The following IL16 variants were observed in gnomAD, a reference collection of about 807,000 sequenced individuals.
IL16 encodes the protein pro-interleukin-16.
Under a neutral mutation model 110.1 loss-of-function variants are expected in IL16, and 67 were observed. The observed-to-expected ratio is 0.61, with a 90% CI of 0.50 to 0.75. The LOEUF (loss-of-function observed/expected upper bound fraction) is 0.75, where lower values mean the gene tolerates loss of function less well. Ranked by LOEUF, IL16 falls within the 30% of genes least tolerant of loss-of-function variation. The probability of loss-of-function intolerance (pLI) is 0.00; values close to 1 mark genes in which losing one functional copy is unlikely to be tolerated. For missense variants in IL16, 1,545 were observed against 1,655.0 expected (o/e 0.93, Z 1.15); for synonymous variants, 689 against 662.9 (o/e 1.04, Z -0.61).
intron 2 of IL16, among the ~76,000 whole-genome samples, chr15:81,251,405 A>G (rs4131822): frequency 0.032 from 4,807 of 152,188 alleles, 228 homozygotes; most frequent in African/African-American, 0.11. Flanking sequence ...GCCTCAAGCA[A>G]TCCTCCAACC....
chr15:81,301,804 C>T (rs1444650056), intron 15 of IL16, among the ~76,000 whole-genome samples: 1 of 152,254 alleles, frequency 6.6e-6, no homozygotes, highest in Non-Finnish European at 1.5e-5. Flanking sequence ...GGTTTTCTGT[C>T]TCCAAGTTCA....
At chr15:81,286,522 A>G (rs1441014173) in intron 10 of IL16, among the ~76,000 whole-genome samples, 4 of 152,184 alleles carry the variant, frequency 2.6e-5, no homozygotes, top group Non-Finnish European at 1.5e-5. Context: ...TTGGGGTTAC[A>G]CTGCAGAGGG....
At chr15:81,285,854 T>C (rs749576695) in intron 10 of IL16, 24 bp downstream of exon 10, 115 of 1,612,580 alleles carry the variant, frequency 7.1e-5, no homozygotes, top group Non-Finnish European at 9.7e-5. Context: ...GGTTATCCTC[T>C]TCTTCTCAGG....
At position 81,212,576 on chromosome 15, in the gene IL16, A is replaced by AT. The variant is rs1896289530; in HGVS notation, c.-101-12721dup. Among the ~76,000 whole-genome samples, 4 of 152,086 alleles carry AT rather than the reference A, an allele frequency of 2.6e-5. No homozygotes were observed. The South Asian group carries it at 8.4e-4, about 32-fold the overall frequency. ...AGCCTTGACTCCCTGGGCTCAGGTG[A>AT]TTCTCCCACTTCAGCCTCCCAAGTA... is the stretch of plus-strand genomic sequence containing the variant. On this transcript the variant is annotated intron_variant, in intron 1 of 18. Transcript: ENST00000683961.
intron 2 of IL16, among the ~76,000 whole-genome samples, chr15:81,230,953 A>T (rs923158762): frequency 5.9e-5 from 9 of 151,900 alleles, no homozygotes; most frequent in African/African-American, 2.2e-4. Flanking sequence ...GCAGAGGGAG[A>T]CAGTGGAGGA....
intron 5 of IL16, among the ~76,000 whole-genome samples, chr15:81,272,596 T>G (rs1222991321): frequency 2.6e-5 from 4 of 152,200 alleles, no homozygotes; most frequent in African/African-American, 9.7e-5. Context: ...TGAGAAGGCC[T>G]TTGGTGGGAG....
chr15:81,278,873 G>A lies in IL16; in HGVS notation c.847G>A (p.Ala283Thr). 6.2e-7 allele frequency: 1 copy of A among 1,612,802 alleles called. No homozygotes were observed. The highest frequency in any genetic ancestry group is 8.5e-7 in the Non-Finnish European group (1 of 1,178,754). The change falls in exon 7 of 19, where the codon GCT becomes ACT. Residue 283 changes from alanine to threonine, a missense_variant. This residue lies in a region of IL16 where 1,185 missense variants were observed against 1,238.8 expected (regional missense o/e 0.96). Coordinates refer to ENST00000683961, the MANE Select transcript of IL16 (RefSeq NM_172217.5). ...AATGGCTGGACTAACACATCAGGAT[G>A]CTTTGCAGAAGTTCAAGGTGACCAT... Reference protein sequence around the residue: ...ESMAGLTHQDALQKFKQAKKG... With the variant: ...ESMAGLTHQDTLQKFKQAKKG...
At chr15:81,232,042 G>GTTTTTTTCTTT (rs1897008513) in intron 2 of IL16, among the ~76,000 whole-genome samples, 1 of 57,692 alleles carries the variant, frequency 1.7e-5, no homozygotes, top group African/African-American at 6.4e-5. Context: ...ATTTGTTCTT[G>GTTTTTTTCTTT]TTTTTTTTTT....
chr15:81,211,211 C>CA (rs1896229578), intron 1 of IL16, among the ~76,000 whole-genome samples: 1 of 151,836 alleles, frequency 6.6e-6, no homozygotes, highest in Non-Finnish European at 1.5e-5. Flanking sequence ...AGGCACATGC[C>CA]ATGCCTGGCT....
intron 2 of IL16, among the ~76,000 whole-genome samples, chr15:81,235,571 A>G (rs953961788): frequency 1.3e-5 from 2 of 152,052 alleles, no homozygotes; most frequent in African/African-American, 2.4e-5. Context: ...TTTGGAGGAG[A>G]CAAAACATCT....
upstream of IL16, among the ~76,000 whole-genome samples, chr15:81,192,501 C>T (rs867777820): frequency 1.1e-4 from 16 of 152,026 alleles, no homozygotes; most frequent in East Asian, 1.9e-4. Flanking sequence ...CCTAGCTACT[C>T]GGGAGGCTGA....
At chr15:81,229,675 T>C (rs1896906298) in intron 2 of IL16, among the ~76,000 whole-genome samples, 1 of 152,118 alleles carries the variant, frequency 6.6e-6, no homozygotes, top group African/African-American at 2.4e-5. Context: ...GGTCCTCATA[T>C]CCTTTCTGGA....
intron 14 of IL16, 27 bp from the exon 15 acceptor site, chr15:81,301,317 A>C: frequency 1.3e-6 from 2 of 1,578,802 alleles, no homozygotes; most frequent in Non-Finnish European, 1.7e-6. Flanking sequence ...TGTTGTTCAT[A>C]CTGTGTGTTG....
chr15:81,243,143 GTATA>G (rs1275444035), intron 2 of IL16, among the ~76,000 whole-genome samples: 28 of 47,240 alleles, frequency 5.9e-4, no homozygotes, highest in East Asian at 2.5e-3. Flanking sequence ...AGCTATATAA[GTATA>G]TATATATATA....
At position 81,296,963 on chromosome 15, in the gene IL16, G is replaced by A; in HGVS notation, c.1938G>A (p.Gln646=). Residue 646 remains glutamine, a synonymous_variant, in exon 13 of 19, where the codon CAG becomes CAA. Transcript: ENST00000683961. ...ARELLPLLLP[Q]EDTAGRSPSA... ...AGCTGCTGCCACTGCTGCTACCACA[G>A]GAAGACACAGCAGGGAGAAGCCCTA... The A allele has an allele frequency of 6.2e-7, 1 of 1,613,432 alleles. No homozygotes were observed. Among genetic ancestry groups the A allele is most frequent in the Non-Finnish European group, 8.5e-7 (1 of 1,179,722 alleles).
chr15:81,254,636 T>C (rs1897885009), intron 2 of IL16, among the ~76,000 whole-genome samples: 1 of 151,934 alleles, frequency 6.6e-6, no homozygotes, highest in Non-Finnish European at 1.5e-5. Context: ...ATAGGGAAAA[T>C]GTGTTTAGAA....
At chr15:81,238,165 G>A (rs1897235393) in intron 2 of IL16, among the ~76,000 whole-genome samples, 1 of 152,140 alleles carries the variant, frequency 6.6e-6, no homozygotes, top group Non-Finnish European at 1.5e-5. Context: ...GCCTCCCAAA[G>A]TGCTGGGATT....
intron 10 of IL16, among the ~76,000 whole-genome samples, chr15:81,287,950 CTACGGCAGAAA>C (rs1899523913): frequency 6.6e-6 from 1 of 152,230 alleles, no homozygotes; most frequent in Admixed American, 6.5e-5. Context: ...GCTTTTAGGA[CTACGGCAGAAA>C]ATCAGTGGAG....
chr15:81,252,097 C>G (rs1251961357), intron 2 of IL16, among the ~76,000 whole-genome samples: 1 of 152,266 alleles, frequency 6.6e-6, no homozygotes, highest in East Asian at 1.9e-4. Context: ...CTGGGGACAT[C>G]ACTACAAAGG....
Sources: gnomAD v4.1 joint callset for allele counts (sites outside exome capture counted in the v4.1 genomes callset) on GRCh38, gnomAD v4.1.1 for gene constraint, gnomAD v4.1.1 regional missense constraint, MANE v1.5 for transcripts, NCBI Gene and HGNC (gene_info 2026-07-23, HGNC 2026-07-21) for gene names.